The following AR variants were observed in gnomAD, a reference collection of about 807,000 sequenced individuals.
The protein encoded by AR is androgen receptor, also known as dihydrotestosterone receptor.
A neutral mutation model predicts 53.9 loss-of-function variants in AR; 8 were observed. The observed-to-expected ratio is 0.15, with a 90% CI of 0.09 to 0.27. The LOEUF is 0.27. Among genes scored for constraint, AR ranks in the 10% least tolerant of loss-of-function variants. The pLI is 1.00. For missense variants in AR, 639 were observed against 742.5 expected (o/e 0.86, Z 1.62); for synonymous variants, 359 against 316.4 (o/e 1.13, Z -1.43).
At chrX:67,642,316 T>G (rs1032250475) in intron 1 of AR, among the ~76,000 whole-genome samples, 1 of 111,876 alleles carries the variant, frequency 8.9e-6, no homozygotes, top group Admixed American at 9.5e-5. Context: ...CAATGTTCCA[T>G]TTTGTTCAAA....
At chrX:67,679,477 G>A (rs1018794192) in intron 2 of AR, among the ~76,000 whole-genome samples, 1 of 111,154 alleles carries the variant, frequency 9.0e-6, no homozygotes, top group Non-Finnish European at 1.9e-5. Flanking sequence ...CTTCTATTTT[G>A]TGCTTATTGT....
At chrX:67,638,294 G>A (rs1925557233) in intron 1 of AR, among the ~76,000 whole-genome samples, 1 of 111,795 alleles carries the variant, frequency 8.9e-6, no homozygotes, top group African/African-American at 3.3e-5. Flanking sequence ...AAGTGTGCAT[G>A]TGTCTTTATG....
chrX:67,686,213 C>T (rs2075966076), intron 3 of AR, 87 bp downstream of exon 3: 1 of 981,381 alleles, frequency 1.0e-6, no homozygotes. Context: ...AGATTTTCTT[C>T]TTTGATGCTT....
intron 2 of AR, among the ~76,000 whole-genome samples, chrX:67,646,802 A>T (rs770195395): frequency 9.0e-6 from 1 of 111,181 alleles, no homozygotes; most frequent in African/African-American, 3.3e-5. Context: ...AATTACAAAC[A>T]TAATCATCAT....
intron 1 of AR, among the ~76,000 whole-genome samples, chrX:67,547,217 G>A (rs1195641426): frequency 9.0e-6 from 1 of 111,518 alleles, no homozygotes; most frequent in African/African-American, 3.3e-5. Context: ...GAGTCAAAAA[G>A]ACCGGCCCAA....
chrX:67,606,121 A>G (rs747711856), intron 1 of AR, among the ~76,000 whole-genome samples: 7 of 110,826 alleles, frequency 6.3e-5, no homozygotes, highest in Non-Finnish European at 1.3e-4. Context: ...CTGAGGGAAA[A>G]GAGAGATAAG....
Position 67,728,086 on chromosome X carries a change from G to C in AR, c.*4245G>C, listed in dbSNP as rs1465784665. 1.2e-5 allele frequency: 2 copies of C among 170,826 alleles called. No individual in the cohort carries two copies. The highest frequency in any genetic ancestry group is 1.6e-4 in the Admixed American group (2 of 12,395). 14.1% of individuals were successfully genotyped at this position (170,826 alleles called of 1,213,427 possible). ...TAAGATACCAAAATTCATAAGGGCA[G>C]GGGGGGAGCAAGCATTAGTGCCTCT... On this transcript the variant is annotated 3_prime_UTR_variant, in exon 8 of 8. Transcript: ENST00000374690.
At chrX:67,632,907 A>G (rs1391264730) in intron 1 of AR, among the ~76,000 whole-genome samples, 1 of 112,331 alleles carries the variant, frequency 8.9e-6, no homozygotes, top group East Asian at 2.8e-4. Flanking sequence ...ATACAAATTT[A>G]AAAATGCTCA....
intron 1 of AR, among the ~76,000 whole-genome samples, chrX:67,608,646 A>G (rs1340278536): frequency 1.8e-5 from 2 of 112,232 alleles, no homozygotes; most frequent in Admixed American, 1.9e-4. Context: ...AAGTGTTTTT[A>G]AAAGATTTAA....
chrX:67,609,876 A>T (rs1322285932), intron 1 of AR, among the ~76,000 whole-genome samples: 2 of 112,080 alleles, frequency 1.8e-5, no homozygotes, highest in African/African-American at 6.5e-5. Flanking sequence ...TTAAATTGTA[A>T]TTTAAGGGTC....
chrX:67,661,008 C>G (rs139093577), intron 2 of AR, among the ~76,000 whole-genome samples: 23 of 111,488 alleles, frequency 2.1e-4, no homozygotes, highest in Non-Finnish European at 4.0e-4. Flanking sequence ...TGATTTGGCT[C>G]TCTGTTTTCT....
chrX:67,568,704 T>A (rs1018438874), intron 1 of AR: 1 of 226,087 alleles, frequency 4.4e-6, no homozygotes, highest in Non-Finnish European at 6.3e-6. Context: ...ATCTTGGCAA[T>A]TAACAAGGCA....
At chrX:67,691,210 G>C (rs1260100388) in intron 3 of AR, among the ~76,000 whole-genome samples, 1 of 111,756 alleles carries the variant, frequency 8.9e-6, no homozygotes, top group Non-Finnish European at 1.9e-5. Context: ...ACCTCCATTT[G>C]GGTTGTTACC....
intron 1 of AR, among the ~76,000 whole-genome samples, chrX:67,631,099 A>T (rs1458329956): frequency 9.0e-6 from 1 of 110,677 alleles, no homozygotes; most frequent in Non-Finnish European, 1.9e-5. Flanking sequence ...AACTTTTTTG[A>T]ATCTGACAAT....
intron 1 of AR, among the ~76,000 whole-genome samples, chrX:67,560,343 G>A (rs1013183851): frequency 4.5e-5 from 5 of 111,454 alleles, no homozygotes; most frequent in Admixed American, 1.9e-4. Context: ...GTGATCCCAC[G>A]TCCTTTCTCT....
chrX:67,582,921 G>T (rs1244538387), intron 1 of AR, among the ~76,000 whole-genome samples: 3 of 111,724 alleles, frequency 2.7e-5, no homozygotes, highest in East Asian at 2.8e-4. Flanking sequence ...TTCACATGGA[G>T]ATAATTTGGA....
At chrX:67,625,369 A>G (rs1466061597) in intron 1 of AR, among the ~76,000 whole-genome samples, 1 of 111,485 alleles carries the variant, frequency 9.0e-6, no homozygotes, top group Non-Finnish European at 1.9e-5. Context: ...CTATCAAAAT[A>G]CTGGCTGTTT....
chrX:67,654,484 G>A (rs759420035), intron 2 of AR, among the ~76,000 whole-genome samples: 37 of 110,435 alleles, frequency 3.4e-4, no homozygotes, highest in African/African-American at 1.1e-3. Flanking sequence ...AGTACACTGT[G>A]AGTAACATTC....
intron 1 of AR, among the ~76,000 whole-genome samples, chrX:67,633,578 C>A (rs1226648887): frequency 8.9e-6 from 1 of 112,135 alleles, no homozygotes; most frequent in Non-Finnish European, 1.9e-5. Flanking sequence ...CATGTCCACA[C>A]AAATACTTGT....
Sources: allele counts gnomAD v4.1 joint callset (sites outside exome capture counted in the v4.1 genomes callset), GRCh38; gene constraint gnomAD v4.1.1; transcripts MANE v1.5; gene names NCBI Gene and HGNC (gene_info 2026-07-23, HGNC 2026-07-21).